DYM: variants seen among roughly 807,000 people sequenced by gnomAD.
DYM encodes dyggve-Melchior-Clausen syndrome protein.
In DYM, 78 loss-of-function variants were observed where a neutral mutation model predicts 93.1. The ratio of observed to expected loss-of-function variants is 0.84; its 90% confidence interval spans 0.70 to 1.01. The LOEUF is 1.01. Ranked by LOEUF, DYM falls within the 50% of genes least tolerant of loss-of-function variation. The pLI, the probability that DYM is intolerant of heterozygous loss-of-function variation, is 0.00. For synonymous variants in DYM, 321 were observed against 319.7 expected, an observed-to-expected ratio of 1.00 and a Z score of -0.04; for missense variants, 789 against 845.0, an observed-to-expected ratio of 0.93 and a Z score of 0.82.
chr18:49,216,419 C>T (rs184486317), intron 13 of DYM, among the ~76,000 whole-genome samples: 2 of 152,208 alleles, frequency 1.3e-5, no homozygotes, highest in Admixed American at 1.3e-4. Context: ...AAGCACACAG[C>T]TGGAGATCTG....
intron 15 of DYM, among the ~76,000 whole-genome samples, chr18:49,153,834 T>C (rs1222622326): frequency 3.3e-5 from 5 of 152,088 alleles, no homozygotes; most frequent in Admixed American, 1.3e-4. Context: ...ATTTCAAAAT[T>C]TGTGGGAAAA....
At chr18:49,243,802 T>C (rs1373826817) in intron 13 of DYM, among the ~76,000 whole-genome samples, 1 of 152,194 alleles carries the variant, frequency 6.6e-6, no homozygotes, top group African/African-American at 2.4e-5. Context: ...CATAATGCTA[T>C]GAAGGTCTCT....
At chr18:49,106,680 G>C (rs1006776162) in intron 16 of DYM, among the ~76,000 whole-genome samples, 92 of 152,316 alleles carry the variant, frequency 6.0e-4, no homozygotes, top group African/African-American at 2.1e-3. Context: ...AGTTTGGCTG[G>C]ATATGAAATT....
intron 17 of DYM, among the ~76,000 whole-genome samples, chr18:49,045,135 T>A (rs1455402173): frequency 2.0e-5 from 3 of 152,178 alleles, no homozygotes; most frequent in African/African-American, 7.2e-5. Context: ...TGGTGACCCT[T>A]GTCCCAGGTT....
intron 2 of DYM, among the ~76,000 whole-genome samples, chr18:49,406,896 T>C (rs2071559805): frequency 6.6e-6 from 1 of 152,252 alleles, no homozygotes; most frequent in Non-Finnish European, 1.5e-5. Context: ...TGTACATGAA[T>C]TTCATAGCAA....
chr18:49,147,160 T>C (rs1393623755), intron 15 of DYM, among the ~76,000 whole-genome samples: 5 of 151,020 alleles, frequency 3.3e-5, no homozygotes, highest in Admixed American at 6.6e-5. Flanking sequence ...AAGCTGAAAC[T>C]GGATCTCTTC....
At chr18:49,218,516 C>T (rs1329523495) in intron 13 of DYM, among the ~76,000 whole-genome samples, 3 of 152,142 alleles carry the variant, frequency 2.0e-5, no homozygotes, top group African/African-American at 7.2e-5. Context: ...TAGAGCTCTC[C>T]TCAGCAAATG....
chr18:49,179,810 A>T lies in DYM; in HGVS notation c.1626-16023T>A, dbSNP rs71355372. Among the ~76,000 whole-genome samples the T allele has an allele frequency of 5.1e-3, 783 of 152,264 alleles. 1 individual carries two copies. Among genetic ancestry groups the T allele is most frequent in the Non-Finnish European group, 8.6e-3 (585 of 67,998 alleles). ...TTTTGTTCATTCTTAATCAGCAGAG[A>T]TAGCAACAGTAAAATAATCTCTTAC... is the stretch of plus-strand genomic sequence containing the variant. On this transcript the variant is annotated intron_variant, in intron 14 of 17. Transcript: ENST00000675505.
At chr18:49,219,176 G>A (rs1240304243) in intron 13 of DYM, among the ~76,000 whole-genome samples, 8 of 152,086 alleles carry the variant, frequency 5.3e-5, no homozygotes, top group East Asian at 3.9e-4. Context: ...TAAATTCCTC[G>A]ACACATACAC....
At chr18:49,227,951 C>G (rs117214919) in intron 13 of DYM, among the ~76,000 whole-genome samples, 14 of 152,236 alleles carry the variant, frequency 9.2e-5, no homozygotes, top group African/African-American at 3.1e-4. Context: ...ATGAGGCCCT[C>G]CCCGATTGCT....
At position 49,332,020 on chromosome 18, in the gene DYM, A is replaced by G; in HGVS notation, c.621-14T>C. The stretch of plus-strand genomic sequence containing the variant: ...GTGTATGGAAGACTATACAAAAAGG[A>G]AAAAAAAATCAAACTCATATTTATG... On this transcript the variant is annotated splice_polypyrimidine_tract_variant and intron_variant, in intron 7 of 17. Transcript: ENST00000675505. The G allele has an allele frequency of 1.9e-6, 3 of 1,602,724 alleles. No homozygotes were observed. The highest frequency in any genetic ancestry group is 2.6e-6 in the Non-Finnish European group (3 of 1,172,530).
chr18:49,318,615 T>C (rs1053286981), intron 8 of DYM, among the ~76,000 whole-genome samples: 2 of 147,048 alleles, frequency 1.4e-5, no homozygotes, highest in African/African-American at 5.2e-5. Flanking sequence ...AGCAAGACTC[T>C]GTCCCCCCAC....
At chr18:49,333,152 T>C (rs966348136) in intron 7 of DYM, among the ~76,000 whole-genome samples, 2 of 152,230 alleles carry the variant, frequency 1.3e-5, no homozygotes, top group Admixed American at 6.5e-5. Context: ...ATTATGTTAA[T>C]AAAAGGTCAG....
chr18:49,229,783 GA>G (rs2093643248), intron 13 of DYM, among the ~76,000 whole-genome samples: 1 of 152,084 alleles, frequency 6.6e-6, no homozygotes, highest in African/African-American at 2.4e-5. Flanking sequence ...CAAGAGAAAT[GA>G]AAATGTTAGG....
At chr18:49,061,089 C>T (rs1426495931) in intron 17 of DYM, among the ~76,000 whole-genome samples, 1 of 152,194 alleles carries the variant, frequency 6.6e-6, no homozygotes, top group African/African-American at 2.4e-5. Flanking sequence ...AAAGTAGAGG[C>T]AGCGCCTCCG....
chr18:49,421,465 AG>A (rs1440453045), intron 2 of DYM, among the ~76,000 whole-genome samples: 2 of 152,200 alleles, frequency 1.3e-5, no homozygotes, highest in Non-Finnish European at 2.9e-5. Context: ...ACTAACAAAC[AG>A]AAAGGACATC....
chr18:49,326,028 G>A lies in DYM; in HGVS notation c.763+5836C>T, dbSNP rs116893716. Among the ~76,000 whole-genome samples, 510 of 152,310 alleles carry A rather than the reference G, an allele frequency of 3.3e-3. 1 individual carries two copies. The highest frequency in any genetic ancestry group is 5.5e-3 in the Non-Finnish European group (377 of 68,020). ...TGGAAAGGAGGATGCATTCATCAGC[G>A]GTGCTGAAATGACTCGGATACATCA... On this transcript the variant is annotated intron_variant, in intron 8 of 17. Coordinates refer to ENST00000675505, the MANE Select transcript of DYM (RefSeq NM_001353214.3).
intron 14 of DYM, among the ~76,000 whole-genome samples, chr18:49,203,494 T>G (rs535790307): frequency 1.5e-4 from 22 of 148,462 alleles, no homozygotes; most frequent in Non-Finnish European, 3.0e-4. Flanking sequence ...GACTTTTCAT[T>G]TTGTTCTGCA....
In DYM at chr18:49,043,891, G is replaced by T; in HGVS notation, c.*164C>A. 1 of 804,368 alleles carries T rather than the reference G, an allele frequency of 1.2e-6. No individual in the cohort carries two copies. Among genetic ancestry groups the T allele is most frequent in the Non-Finnish European group, 2.0e-6 (1 of 495,964 alleles). The allele number at this position is 804,368 out of a possible 1,614,324, so 49.8% of individuals were successfully genotyped here. A position where few individuals can be genotyped will look rare whatever the true frequency, so the allele number is the denominator to read the frequency against. Reference sequence around the variant, plus strand: ...ACGCTGAGTTATCTATTGCCAACTAGCACCAATTCTCCAAATCAAAGTGTG... The same window carrying T: ...ACGCTGAGTTATCTATTGCCAACTATCACCAATTCTCCAAATCAAAGTGTG... On this transcript the variant is annotated 3_prime_UTR_variant, in exon 18 of 18. Coordinates refer to ENST00000675505, the MANE Select transcript of DYM (RefSeq NM_001353214.3).
Sources: allele counts gnomAD v4.1 joint callset (sites outside exome capture counted in the v4.1 genomes callset), GRCh38; gene constraint gnomAD v4.1.1; transcripts MANE v1.5; gene names NCBI Gene and HGNC (gene_info 2026-07-23, HGNC 2026-07-21).